PRDM7: variants seen among roughly 807,000 people sequenced by gnomAD.
PRDM7 encodes the protein PR/SET domain 7, also known as histone-lysine N-methyltransferase PRDM7.
PRDM7 carries 52 observed loss-of-function variants against 64.3 expected under a neutral mutation model. The ratio of observed to expected loss-of-function variants is 0.81; its 90% CI spans 0.65 to 1.02. PRDM7 has a LOEUF of 1.02. Among genes scored for constraint, PRDM7 ranks in the 50% least tolerant of loss-of-function variants. The probability of loss-of-function intolerance (pLI) is 0.00; values close to 1 mark genes in which losing one functional copy is unlikely to be tolerated. For synonymous variants in PRDM7, 192 were observed against 210.1 expected (o/e 0.91, Z 0.74); for missense variants, 574 against 597.1 (o/e 0.96, Z 0.40).
intron 10 of PRDM7, among the ~76,000 whole-genome samples, chr16:90,059,138 G>C (rs1342611551): frequency 6.6e-6 from 1 of 152,186 alleles, no homozygotes; most frequent in African/African-American, 2.4e-5. Context: ...GGACTGTTAT[G>C]TGCCCGGTTC....
intron 4 of PRDM7, among the ~76,000 whole-genome samples, chr16:90,069,595 T>G (rs1279112210): frequency 6.6e-6 from 1 of 151,210 alleles, no homozygotes; most frequent in Non-Finnish European, 1.5e-5. Flanking sequence ...AGAAAATATA[T>G]GCAAACCATG....
rs779119683 is a variant in PRDM7 at position 90,075,893 on chromosome 16, G to C, written c.18C>G (p.Ser6=). 6.2e-7 allele frequency: 1 copy of C among 1,613,916 alleles called. No homozygotes were observed. The highest frequency in any genetic ancestry group is 1.1e-5 in the South Asian group (1 of 91,020). ...TGTCTCCTTCTGGGCTCTCCTCTTG[G>C]GACCTTTCAGGGCTCATGGTGCTGG... The part of the protein sequence containing the change: MSPER[S]QEESPEGDTE... Residue 6 remains serine (S), a synonymous_variant, in exon 2 of 11, where the codon TCC becomes TCG. Transcript: ENST00000449207. The surrounding 1 kb of genome is among the most constrained non-coding windows in gnomAD (Gnocchi z 4.3).
chr16:90,073,485 C>T (rs187148378), intron 4 of PRDM7, among the ~76,000 whole-genome samples: 13 of 151,718 alleles, frequency 8.6e-5, no homozygotes, highest in African/African-American at 2.7e-4. Context: ...CTGCAAGCTC[C>T]GCCTCCCGGG....
rs367752693 is a variant in PRDM7 at position 90,075,413 on chromosome 16, C to G, written c.131G>C (p.Gly44Ala). The G allele has an allele frequency of 1.2e-6, 2 of 1,614,074 alleles. No homozygotes were observed. Among genetic ancestry groups the G allele is most frequent in the Non-Finnish European group, 1.7e-6 (2 of 1,180,040 alleles). Reference sequence around the variant, plus strand: ...CCTATAGCGAGTTTTCTCCCAGTCTCCCATTTCTGCCCATTCTTCCTTGGT... The same window carrying G: ...CCTATAGCGAGTTTTCTCCCAGTCTGCCATTTCTGCCCATTCTTCCTTGGT... Reference protein sequence around the residue: ...YFTKEEWAEMGDWEKTRYRNV... With the variant: ...YFTKEEWAEMADWEKTRYRNV... The change falls in exon 3 of 11, where the codon GGA (glycine) becomes GCA (alanine). Residue 44 changes from glycine to alanine, a missense_variant. Gly to Ala is a moderately conservative substitution (Grantham distance 60, BLOSUM62 0). Coordinates refer to ENST00000449207, the MANE Select transcript of PRDM7 (RefSeq NM_001098173.2). This position sits in a 1 kb window ranked among gnomAD's most constrained non-coding sequence, Gnocchi z 4.3.
chr16:90,072,089 G>A (rs2151312719), intron 4 of PRDM7, among the ~76,000 whole-genome samples: 1 of 152,170 alleles, frequency 6.6e-6, no homozygotes, highest in African/African-American at 2.4e-5. Flanking sequence ...AAATTAGCCT[G>A]GCGTGGTGGC....
At position 90,062,508 on chromosome 16, in the gene PRDM7, T is replaced by G. The variant is rs766899117; in HGVS notation, c.509-6A>C. The G allele has an allele frequency of 6.2e-7, 1 of 1,609,574 alleles. No individual in the cohort carries two copies. Among genetic ancestry groups the G allele is most frequent in the African/African-American group, 1.3e-5 (1 of 74,894 alleles). ...AGTCTCCTTCCTCCTGAGTTCTAGG[T>G]TGGAGAAGAGTAGATGGGTAAAATT... On this transcript the variant is annotated splice_polypyrimidine_tract_variant and splice_region_variant and intron_variant, in intron 6 of 10. Coordinates refer to ENST00000449207, the MANE Select transcript of PRDM7 (RefSeq NM_001098173.2).
intron 4 of PRDM7, among the ~76,000 whole-genome samples, chr16:90,071,989 G>A (rs1165404579): frequency 2.6e-5 from 4 of 152,074 alleles, no homozygotes; most frequent in Non-Finnish European, 5.9e-5. Flanking sequence ...TCAGGAGATC[G>A]AGCCCATGAG....
chr16:90,075,877 C>T lies in PRDM7; in HGVS notation c.34G>A (p.Glu12Lys). ...CGCTCTGTTCTCTCTGTGTCTCCTT[C>T]TGGGCTCTCCTCTTGGGACCTTTCA... is the stretch of plus-strand genomic sequence containing the variant. ...SPERSQEESP[E>K]GDTERTERKP... The change falls in exon 2 of 11, where the codon GAA (glutamate) becomes AAA (lysine). Residue 12 changes from glutamate to lysine, a missense_variant. By Grantham distance (56) the Glu-to-Lys change is moderately conservative. Transcript: ENST00000449207. The surrounding 1 kb of genome is among the most constrained non-coding windows in gnomAD (Gnocchi z 4.3). The T allele has an allele frequency of 1.2e-6, 2 of 1,614,076 alleles. No individual in the cohort carries two copies. The highest frequency in any genetic ancestry group is 1.7e-6 in the Non-Finnish European group (2 of 1,179,972).
At chr16:90,074,885 A>G in intron 4 of PRDM7, 31 bp downstream of exon 4, 1 of 1,610,026 alleles carries the variant, frequency 6.2e-7, no homozygotes, top group Non-Finnish European at 8.5e-7. Flanking sequence ...GTCTTTAAAA[A>G]AAAAAAAATC....
rs751761263 is a variant in PRDM7 at position 90,062,109 on chromosome 16, T to C, written c.694A>G (p.Lys232Glu). The part of the protein sequence containing the change: ...PTFVKDSAVD[K>E]GHPNRSALSL... ...AGGGCTGAACGGTTGGGATGCCCCT[T>C]GTCCACTGCACTGTCCTTTACAAAT... is the stretch of plus-strand genomic sequence containing the variant. The change falls in exon 8 of 11, where the codon AAG becomes GAG. Residue 232 changes from lysine (K) to glutamate (E), a missense_variant. Transcript: ENST00000449207. 1.2e-6 allele frequency: 2 copies of C among 1,614,222 alleles called. No individual in the cohort carries two copies. The highest frequency in any genetic ancestry group is 8.5e-7 in the Non-Finnish European group (1 of 1,180,034).
intron 4 of PRDM7, among the ~76,000 whole-genome samples, chr16:90,073,268 A>G (rs574087902): frequency 3.3e-5 from 5 of 152,158 alleles, no homozygotes; most frequent in Non-Finnish European, 7.3e-5. Flanking sequence ...ATTTAACTCA[A>G]TAACTATTAT....
intron 4 of PRDM7, among the ~76,000 whole-genome samples, chr16:90,067,589 CTTTT>C (rs1220091658): frequency 7.9e-6 from 1 of 126,534 alleles, no homozygotes. Flanking sequence ...AAGAAAAGCC[CTTTT>C]TTTTTTTTTT....
Position 90,057,659 on chromosome 16 carries a change from T to C in PRDM7, c.*630A>G. ...GAACTATCCCCTGTTCTTCCTCAAC[T>C]CTAGTCATGAAAGTGGCGGATTTGT... On this transcript the variant is annotated 3_prime_UTR_variant, in exon 11 of 11. Coordinates refer to ENST00000449207, the MANE Select transcript of PRDM7 (RefSeq NM_001098173.2). The C allele has an allele frequency of 9.0e-7, 1 of 1,112,014 alleles. No individual in the cohort carries two copies. Among genetic ancestry groups the C allele is most frequent in the Non-Finnish European group, 1.1e-6 (1 of 874,608 alleles). The allele number at this position is 1,112,014 out of a possible 1,614,324, so 68.9% of individuals were successfully genotyped here. A position where few individuals can be genotyped will look rare whatever the true frequency, so the allele number is the denominator to read the frequency against.
intron 10 of PRDM7, among the ~76,000 whole-genome samples, chr16:90,058,809 T>C (rs906640006): frequency 1.3e-5 from 2 of 152,172 alleles, no homozygotes; most frequent in African/African-American, 4.8e-5. Context: ...GCATCATTCC[T>C]TACATAGATG....
intron 10 of PRDM7, among the ~76,000 whole-genome samples, 180 bp from the exon 11 acceptor site, chr16:90,058,714 T>A (rs766620370): frequency 6.6e-6 from 1 of 152,164 alleles, no homozygotes; most frequent in Non-Finnish European, 1.5e-5. Context: ...ATTCACTACA[T>A]CTTAAAAAAT....
intron 4 of PRDM7, among the ~76,000 whole-genome samples, chr16:90,072,535 A>G (rs760404789): frequency 6.6e-6 from 1 of 152,214 alleles, no homozygotes; most frequent in Admixed American, 6.5e-5. Flanking sequence ...ATCTAAAGTA[A>G]CCAAATTCAT....
chr16:90,061,624 G>A (rs1268545612), intron 8 of PRDM7, 105 bp from the exon 9 acceptor site: 8 of 1,361,744 alleles, frequency 5.9e-6, no homozygotes, highest in Non-Finnish European at 8.3e-6. Flanking sequence ...AGCTTCAACT[G>A]CCAACTGAGA....
At position 90,075,544 on chromosome 16, in the gene PRDM7, G is replaced by T; in HGVS notation, c.70-70C>A. ...CGAGCTGGTCCTTTTCCTCTACCCTGCGTGTAGGGCATAGCCTGGGGCCTC... is the reference window on the plus strand; with the variant it reads ...CGAGCTGGTCCTTTTCCTCTACCCTTCGTGTAGGGCATAGCCTGGGGCCTC... On this transcript the variant is annotated intron_variant, in intron 2 of 10. Transcript: ENST00000449207. This position sits in a 1 kb window ranked among gnomAD's most constrained non-coding sequence, Gnocchi z 4.3. The T allele has an allele frequency of 6.2e-7, 1 of 1,610,836 alleles. No homozygotes were observed. The highest frequency in any genetic ancestry group is 8.5e-7 in the Non-Finnish European group (1 of 1,177,284).
intron 5 of PRDM7, among the ~76,000 whole-genome samples, chr16:90,064,047 G>C (rs1472619907): frequency 6.6e-6 from 1 of 152,216 alleles, no homozygotes; most frequent in Non-Finnish European, 1.5e-5. Flanking sequence ...GAATCAGCAA[G>C]ATCTGTGAAA....
Sources: allele counts gnomAD v4.1 joint callset (sites outside exome capture counted in the v4.1 genomes callset), GRCh38; gene constraint gnomAD v4.1.1; non-coding constraint Gnocchi (gnomAD v3.1); transcripts MANE v1.5; gene names NCBI Gene and HGNC (gene_info 2026-07-23, HGNC 2026-07-21).